Variants in GDPD5 observed in about 807,000 individuals in gnomAD.
GDPD5 encodes glycerophosphodiester phosphodiesterase 2.
In GDPD5, 48 loss-of-function variants were observed where a neutral mutation model predicts 75.1. The ratio of observed to expected loss-of-function variants is 0.64; its 90% CI spans 0.51 to 0.81. The LOEUF (loss-of-function observed/expected upper bound fraction) is 0.81, where lower values mean the gene tolerates loss of function less well. GDPD5 is among the 40% of genes least tolerant of loss of function. The pLI is 0.00. For synonymous variants in GDPD5, 336 were observed against 339.0 expected, an observed-to-expected ratio of 0.99 and a Z score of 0.10; for missense variants, 706 against 822.6, an observed-to-expected ratio of 0.86 and a Z score of 1.73.
At chr11:75,482,114 G>A (rs533045741) in intron 2 of GDPD5, among the ~76,000 whole-genome samples, 2 of 151,730 alleles carry the variant, frequency 1.3e-5, no homozygotes, top group Non-Finnish European at 2.9e-5. Context: ...GTCCTCTGCC[G>A]CCCCTCCCCT....
chr11:75,509,141 T>C (rs1169519311), intron 1 of GDPD5, among the ~76,000 whole-genome samples: 1 of 151,980 alleles, frequency 6.6e-6, no homozygotes, highest in Admixed American at 6.6e-5. Context: ...TGTGGGCAGG[T>C]CATGTTAGAC....
At chr11:75,466,735 T>C (rs185329032) in intron 3 of GDPD5, among the ~76,000 whole-genome samples, 21 of 152,268 alleles carry the variant, frequency 1.4e-4, no homozygotes, top group Admixed American at 8.5e-4. Context: ...AATGTGCATA[T>C]TATGACGATT....
Position 75,444,473 on chromosome 11 carries a change from A to AG in GDPD5, c.736_737insC (p.Met246ThrfsTer17). On this transcript the variant is annotated frameshift_variant, in exon 10 of 17. Coordinates refer to ENST00000336898, the MANE Select transcript of GDPD5 (RefSeq NM_030792.8). LOFTEE classifies it high-confidence loss of function. The stretch of plus-strand genomic sequence containing the variant: ...CTGCTCGAGGGCCTTCCGGAAGGAC[A>AG]TGAGCGTGTGCTCTGGAGCCAGCTG... The AG allele has an allele frequency of 6.8e-6, 11 of 1,613,758 alleles. No individual in the cohort carries two copies. The highest frequency in any genetic ancestry group is 7.6e-6 in the Non-Finnish European group (9 of 1,179,856).
rs768406890 is a variant in GDPD5 at position 75,441,150 on chromosome 11, C to G, written c.1473+13G>C. 11 of 1,612,352 alleles carry G rather than the reference C, an allele frequency of 6.8e-6. No homozygotes were observed. Among genetic ancestry groups the G allele is most frequent in the Non-Finnish European group, 9.3e-6 (11 of 1,179,084 alleles). On this transcript the variant is annotated intron_variant, in intron 14 of 16. Transcript: ENST00000336898. ...AGCACTGCCCCCCAGGGGCCCTCTG[C>G]CCCCCAACTCACCATGATCCAGAGG...
chr11:75,448,068 A>T (rs1352081244), intron 9 of GDPD5, among the ~76,000 whole-genome samples: 1 of 152,156 alleles, frequency 6.6e-6, no homozygotes, highest in Non-Finnish European at 1.5e-5. Flanking sequence ...CTTCCAAAGC[A>T]GTTATGTGAG....
intron 1 of GDPD5, among the ~76,000 whole-genome samples, chr11:75,498,703 G>C (rs933333970): frequency 6.6e-6 from 1 of 152,202 alleles, no homozygotes; most frequent in Non-Finnish European, 1.5e-5. Context: ...CCTGGGGCTA[G>C]AGAAGCAGTG....
At chr11:75,509,789 C>T (rs946749285) in intron 1 of GDPD5, among the ~76,000 whole-genome samples, 4 of 152,206 alleles carry the variant, frequency 2.6e-5, no homozygotes, top group African/African-American at 7.2e-5. Context: ...CAGCGATTCT[C>T]CTGCCTCAGC....
rs1357901994 is a variant in GDPD5, at chr11:75,436,993, C to T, written c.1612G>A (p.Ala538Thr). 11 of 1,613,428 alleles carry T rather than the reference C, an allele frequency of 6.8e-6. No homozygotes were observed. Among genetic ancestry groups the T allele is most frequent in the African/African-American group, 2.7e-5 (2 of 74,926 alleles). ...ACGTCCCGGCTGGTCCGGCGCACCG[C>T]AGCACTCAGCATGATCTGCTCAGGG... is the stretch of plus-strand genomic sequence containing the variant. ...YNPEQIMLSA[A>T]VRRTSRDVSI... Residue 538 changes from alanine to threonine, a missense_variant, in exon 16 of 17, where the codon GCG (alanine) becomes ACG (threonine). Coordinates refer to ENST00000336898, the MANE Select transcript of GDPD5 (RefSeq NM_030792.8).
Position 75,472,598 on chromosome 11 carries a change from C to T in GDPD5, c.117+5021G>A, listed in dbSNP as rs145804471. Among the ~76,000 whole-genome samples, 29 of 152,230 alleles carry T rather than the reference C, an allele frequency of 1.9e-4. No individual in the cohort carries two copies. The East Asian group carries it at 5.2e-3, about 27-fold the overall frequency. The stretch of plus-strand genomic sequence containing the variant: ...ACCAAGAACACAGCACACACCCGTC[C>T]GCACATGTACGCCTACATTCTCTGA... On this transcript the variant is annotated intron_variant, in intron 3 of 16. Transcript: ENST00000336898.
chr11:75,484,909 G>A (rs1949992486), intron 2 of GDPD5, among the ~76,000 whole-genome samples: 1 of 152,042 alleles, frequency 6.6e-6, no homozygotes, highest in Admixed American at 6.6e-5. Context: ...CAACCTTCCT[G>A]AGCAAAGGCC....
chr11:75,488,730 G>T (rs1486605652), intron 2 of GDPD5, among the ~76,000 whole-genome samples: 1 of 152,190 alleles, frequency 6.6e-6, no homozygotes, highest in East Asian at 1.9e-4. Flanking sequence ...AAAGCCCACT[G>T]CCTCCTCCTT....
At chr11:75,478,146 A>T (rs1365770187) in intron 2 of GDPD5, among the ~76,000 whole-genome samples, 2 of 151,918 alleles carry the variant, frequency 1.3e-5, no homozygotes, top group Non-Finnish European at 2.9e-5. Context: ...TCTTAGCTCA[A>T]ATGTCCTTTT....
intron 1 of GDPD5, among the ~76,000 whole-genome samples, chr11:75,521,872 G>T (rs1358167401): frequency 6.6e-6 from 1 of 152,154 alleles, no homozygotes; most frequent in African/African-American, 2.4e-5. Context: ...TGAGCCAGAA[G>T]GCCGGGCAGA....
intron 3 of GDPD5, among the ~76,000 whole-genome samples, chr11:75,473,932 C>G (rs1159028073): frequency 6.6e-6 from 1 of 152,224 alleles, no homozygotes; most frequent in Admixed American, 6.5e-5. Context: ...TGTTCCCCCA[C>G]AAGCCTGGGG....
intron 14 of GDPD5, 75 bp from the exon 15 acceptor site, chr11:75,440,036 G>A: frequency 2.7e-6 from 3 of 1,121,948 alleles, no homozygotes; most frequent in South Asian, 1.3e-5. Flanking sequence ...AGGGTCCGTG[G>A]ACCAAAGGAC....
chr11:75,489,740 AT>A (rs749421547), intron 2 of GDPD5, among the ~76,000 whole-genome samples: 626 of 139,112 alleles, frequency 4.5e-3, no homozygotes, highest in Admixed American at 4.2e-3. Context: ...CTGGGTTTTC[AT>A]TTTTTTTTTT....
intron 1 of GDPD5, among the ~76,000 whole-genome samples, chr11:75,523,073 C>T (rs150194425): frequency 6.6e-6 from 1 of 152,324 alleles, no homozygotes; most frequent in Non-Finnish European, 1.5e-5. Flanking sequence ...CCCCAGACTT[C>T]CTGGTCAAAC....
At chr11:75,456,922 G>A (rs1592085149) in intron 5 of GDPD5, 106 bp from the exon 6 acceptor site, 2 of 1,111,714 alleles carry the variant, frequency 1.8e-6, no homozygotes, top group Non-Finnish European at 1.4e-6. Flanking sequence ...CTGACCCTGG[G>A]CAGAGGCAGC....
At position 75,499,394 on chromosome 11, in the gene GDPD5, C is replaced by T. The variant is rs67020493; in HGVS notation, c.-144-9074G>A. Among the ~76,000 whole-genome samples, 109 of 45,288 alleles carry T rather than the reference C, an allele frequency of 2.4e-3. 13 individuals are homozygous for T. In the Middle Eastern group the frequency reaches 0.067, roughly 28 times the overall value. 29.7% of individuals were successfully genotyped at this position (45,288 alleles called of 152,430 possible). On this transcript the variant is annotated intron_variant, in intron 1 of 16. Coordinates refer to ENST00000336898, the MANE Select transcript of GDPD5 (RefSeq NM_030792.8). Reference sequence around the variant, plus strand: ...ACTTTCCTTCTTTCTTCTTCTTTTCCTTTTTTTTTTTTTTTTTTTTTTTAA... The same window carrying T: ...ACTTTCCTTCTTTCTTCTTCTTTTCTTTTTTTTTTTTTTTTTTTTTTTTAA...
Sources: allele counts gnomAD v4.1 joint callset (sites outside exome capture counted in the v4.1 genomes callset), GRCh38; gene constraint gnomAD v4.1.1; transcripts MANE v1.5; gene names NCBI Gene and HGNC (gene_info 2026-07-23, HGNC 2026-07-21).